PFKFB4: variants seen among roughly 807,000 people sequenced by gnomAD.
The protein encoded by PFKFB4 is 6-phosphofructo-2-kinase/fructose-2,6-biphosphatase 4, also known as 6-phosphofructo-2-kinase/fructose-2,6-bisphosphatase 4.
Under a neutral mutation model 62.8 loss-of-function variants are expected in PFKFB4, and 42 were observed. That is an observed-to-expected ratio of 0.67 (90% confidence interval 0.52 to 0.86). The LOEUF is 0.86. Ranked by LOEUF, PFKFB4 falls within the 40% of genes least tolerant of loss-of-function variation. The pLI is 0.00. For synonymous variants in PFKFB4, 204 were observed against 240.7 expected (o/e 0.85, Z 1.41); for missense variants, 475 against 627.2 (o/e 0.76, Z 2.59).
chr3:48,539,691 C>T lies in PFKFB4; in HGVS notation c.453+6G>A, dbSNP rs759886166. 1.4e-5 allele frequency: 22 copies of T among 1,610,892 alleles called. No individual in the cohort carries two copies. The East Asian group carries it at 2.5e-4, about 18-fold the overall frequency. On this transcript the variant is annotated splice_donor_region_variant and intron_variant, in intron 5 of 13. Coordinates refer to ENST00000232375, the MANE Select transcript of PFKFB4 (RefSeq NM_004567.4). ...CCGCCAAGGAGAGGAGCCAAGGAGGCCTCACCTTGTAGCCATTCTGTTCTC... is the reference window on the plus strand; with the variant it reads ...CCGCCAAGGAGAGGAGCCAAGGAGGTCTCACCTTGTAGCCATTCTGTTCTC...
chr3:48,543,812 T>C (rs1385349555), intron 3 of PFKFB4, among the ~76,000 whole-genome samples, 166 bp from the exon 4 acceptor site: 2 of 152,196 alleles, frequency 1.3e-5, no homozygotes, highest in Non-Finnish European at 2.9e-5. Flanking sequence ...ATGTTCAGTG[T>C]TTGGCTAACT....
Position 48,540,615 on chromosome 3 carries a change from A to C in PFKFB4, c.379-844T>G, listed in dbSNP as rs1189934519. On this transcript the variant is annotated intron_variant, in intron 4 of 13. Coordinates refer to ENST00000232375, the MANE Select transcript of PFKFB4 (RefSeq NM_004567.4). ...GCATCATTTTTTTGTTTTTATTTAA[A>C]AAAAATTTTTTTGAGACAGGGTCTC... Among the ~76,000 whole-genome samples, 3 of 151,902 alleles carry C rather than the reference A, an allele frequency of 2.0e-5. No homozygotes were observed. The East Asian group carries it at 5.8e-4, about 29-fold the overall frequency.
At chr3:48,524,543 T>A (rs1485257342) in intron 10 of PFKFB4, among the ~76,000 whole-genome samples, 1 of 152,238 alleles carries the variant, frequency 6.6e-6, no homozygotes, top group African/African-American at 2.4e-5. Flanking sequence ...TTTGGTAACA[T>A]GAATTTCTCA....
At chr3:48,535,784 GAACT>G (rs1397386801) in intron 8 of PFKFB4, 126 bp from the exon 9 acceptor site, 28 of 1,110,158 alleles carry the variant, frequency 2.5e-5, no homozygotes, top group African/African-American at 1.5e-4. Context: ...TAAAAAGCAT[GAACT>G]AACTTGTCGA....
chr3:48,526,434 G>A (rs1410315205), intron 9 of PFKFB4, among the ~76,000 whole-genome samples: 5 of 151,980 alleles, frequency 3.3e-5, no homozygotes, highest in South Asian at 4.2e-4. Flanking sequence ...TTAGTTGGGC[G>A]TGGTGGCGCA....
intron 4 of PFKFB4, among the ~76,000 whole-genome samples, chr3:48,540,658 G>A (rs2042771734): frequency 6.6e-6 from 1 of 152,172 alleles, no homozygotes; most frequent in Non-Finnish European, 1.5e-5. Flanking sequence ...CGCCCAGGCT[G>A]GAGCGTAGTG....
chr3:48,556,713 C>T lies in PFKFB4; in HGVS notation c.65G>A (p.Gly22Glu). Reference protein sequence around the residue: ...LKKIWMPYSNGRPALHACQRG... With the variant: ...LKKIWMPYSNERPALHACQRG... Reference sequence around the variant, plus strand: ...CTGGCAAGCGTGCAGAGCGGGCCGCCCATTGCTGTATGGCATCCAGATCTT... The same window carrying T: ...CTGGCAAGCGTGCAGAGCGGGCCGCTCATTGCTGTATGGCATCCAGATCTT... The change falls in exon 1 of 14, where the codon GGG becomes GAG. Residue 22 changes from glycine to glutamate, a missense_variant. Physicochemically the swap from Gly to Glu is moderately conservative, Grantham distance 98. Transcript: ENST00000232375. This position sits in a 1 kb window ranked among gnomAD's most constrained non-coding sequence, Gnocchi z 5.7. The T allele has an allele frequency of 6.2e-7, 1 of 1,611,394 alleles. No individual in the cohort carries two copies. The highest frequency in any genetic ancestry group is 8.5e-7 in the Non-Finnish European group (1 of 1,178,794).
At chr3:48,542,333 CAAAAAAAAAAA>C (rs1229597350) in intron 4 of PFKFB4, among the ~76,000 whole-genome samples, 2 of 58,888 alleles carry the variant, frequency 3.4e-5, no homozygotes, top group African/African-American at 6.0e-5. Flanking sequence ...GACTCCATCT[CAAAAAAAAAAA>C]AAAAGAAAGA....
chr3:48,529,909 G>C (rs1159071416), intron 9 of PFKFB4, among the ~76,000 whole-genome samples: 1 of 152,052 alleles, frequency 6.6e-6, no homozygotes, highest in Non-Finnish European at 1.5e-5. Context: ...AGCTGAGATG[G>C]TGCTACTGCG....
chr3:48,555,138 G>C (rs984918905), intron 1 of PFKFB4, among the ~76,000 whole-genome samples: 4 of 150,084 alleles, frequency 2.7e-5, no homozygotes, highest in Admixed American at 1.3e-4. Flanking sequence ...GGACCACACA[G>C]CCCTAATAAC....
chr3:48,557,595 G>A (rs1043807939), upstream of PFKFB4, among the ~76,000 whole-genome samples: 6 of 152,212 alleles, frequency 3.9e-5, no homozygotes, highest in African/African-American at 9.6e-5. Context: ...GGAGTGCAAT[G>A]GCGCTATCTT....
intron 9 of PFKFB4, chr3:48,525,886 C>A: frequency 2.7e-6 from 1 of 375,320 alleles, no homozygotes; most frequent in Non-Finnish European, 4.8e-6. Context: ...TCTTGTCCAC[C>A]TATCCATCAC....
At chr3:48,538,416 A>T in intron 7 of PFKFB4, 82 bp downstream of exon 7, 1 of 1,546,650 alleles carries the variant, frequency 6.5e-7, no homozygotes, top group South Asian at 1.1e-5. Flanking sequence ...AGCCACCACC[A>T]TGGGGAGCCA....
chr3:48,525,791 G>T, intron 9 of PFKFB4, 122 bp from the exon 10 acceptor site: 1 of 495,404 alleles, frequency 2.0e-6, no homozygotes, highest in Non-Finnish European at 3.6e-6. Context: ...TGGGTGAAGG[G>T]AACAGAAACC....
intron 10 of PFKFB4, 26 bp from the exon 11 acceptor site, chr3:48,523,856 C>T: frequency 6.2e-7 from 1 of 1,608,164 alleles, no homozygotes; most frequent in Non-Finnish European, 8.5e-7. Flanking sequence ...GAGAGGGGTC[C>T]CTCAGGCCTG....
chr3:48,539,045 C>T (rs867899508), intron 6 of PFKFB4, among the ~76,000 whole-genome samples: 5 of 152,154 alleles, frequency 3.3e-5, no homozygotes, highest in South Asian at 2.1e-4. Context: ...CAGGTGGTTA[C>T]GAGGCGGAGG....
intron 7 of PFKFB4, among the ~76,000 whole-genome samples, chr3:48,537,951 A>G (rs2042677021): frequency 6.6e-6 from 1 of 152,170 alleles, no homozygotes; most frequent in Non-Finnish European, 1.5e-5. Flanking sequence ...TGACTGTAAT[A>G]CTTCACCAAG....
chr3:48,539,587 G>T (rs1575381753), intron 5 of PFKFB4, 110 bp downstream of exon 5: 6 of 957,226 alleles, frequency 6.3e-6, no homozygotes, highest in Non-Finnish European at 1.0e-5. Context: ...TTACACTCAG[G>T]AGCCATGCCA....
At chr3:48,552,423 T>C (rs564211647) in intron 1 of PFKFB4, among the ~76,000 whole-genome samples, 1 of 152,294 alleles carries the variant, frequency 6.6e-6, no homozygotes, top group African/African-American at 2.4e-5. Context: ...GTGACCCAAA[T>C]GGTGAGCCTC....
Sources: gnomAD v4.1 joint callset for allele counts (sites outside exome capture counted in the v4.1 genomes callset) on GRCh38, gnomAD v4.1.1 for gene constraint, Gnocchi (gnomAD v3.1) non-coding constraint, MANE v1.5 for transcripts, NCBI Gene and HGNC (gene_info 2026-07-23, HGNC 2026-07-21) for gene names.